MPZL1: variants seen among roughly 807,000 people sequenced by gnomAD.
The protein encoded by MPZL1 is myelin protein zero-like protein 1.
Under a neutral mutation model 29.3 loss-of-function variants are expected in MPZL1, and 16 were observed. That is an observed-to-expected ratio of 0.55 (90% CI 0.37 to 0.83). The LOEUF (loss-of-function observed/expected upper bound fraction) is 0.83. MPZL1 is among the 40% of genes least tolerant of loss of function. The probability of loss-of-function intolerance (pLI) is 0.00; values close to 1 mark genes in which losing one functional copy is unlikely to be tolerated. For missense variants in MPZL1, 279 were observed against 332.9 expected (o/e 0.84, Z 1.26); for synonymous variants, 143 against 132.0 (o/e 1.08, Z -0.57).
In MPZL1 at chr1:167,791,381, CAA is replaced by C. The variant is rs768585524; in HGVS notation, c.*3461_*3462del. On this transcript the variant is annotated 3_prime_UTR_variant, in exon 6 of 6. Transcript: ENST00000359523. ...CTGTGCTAAGCATAAGGAAACAAAA[CAA>C]GACAAAGCTCCTCAAGGAGCTTGCC... 4.6e-5 allele frequency: 7 copies of C among 152,272 alleles called. No individual in the cohort carries two copies. The highest frequency in any genetic ancestry group is 8.8e-5 in the Non-Finnish European group (6 of 68,076). The allele number at this position is 152,272 out of a possible 1,614,324, so 9.4% of individuals were successfully genotyped here.
chr1:167,761,735 A>T (rs113552078), intron 1 of MPZL1, among the ~76,000 whole-genome samples: 16 of 152,264 alleles, frequency 1.1e-4, no homozygotes, highest in African/African-American at 3.4e-4. Flanking sequence ...TTAAGGCGAA[A>T]ATAGTCAGTG....
chr1:167,773,324 G>C lies in MPZL1; in HGVS notation c.561G>C (p.Leu187=), dbSNP rs755186661. 46 of 1,613,994 alleles carry C rather than the reference G, an allele frequency of 2.9e-5. No homozygotes were observed. The highest frequency in any genetic ancestry group is 3.6e-5 in the Non-Finnish European group (43 of 1,179,908). ...TCACTCTGCTCATCAGCATGATTCT[G>C]GCTGTCCTCTATAGAAGGAAAAACT... is the stretch of plus-strand genomic sequence containing the variant. The part of the protein sequence containing the change: ...LGLTLLISMI[L]AVLYRRKNSK... Residue 187 remains leucine, a synonymous_variant, in exon 4 of 6, where the codon CTG becomes CTC. Coordinates refer to ENST00000359523, the MANE Select transcript of MPZL1 (RefSeq NM_003953.6).
At chr1:167,740,009 A>G (rs1660483301) in intron 1 of MPZL1, among the ~76,000 whole-genome samples, 1 of 152,078 alleles carries the variant, frequency 6.6e-6, no homozygotes, top group Admixed American at 6.6e-5. Flanking sequence ...TCCATAGTTC[A>G]TTGTTATAAT....
rs1661628767 is a variant in MPZL1 at position 167,788,177 on chromosome 1, G to A, written c.*256G>A. ...ATGTACCCATTGTCTTGCTGTTTTT[G>A]TACTTTCTTTTCAGGTCATTTACAA... On this transcript the variant is annotated 3_prime_UTR_variant, in exon 6 of 6. Coordinates refer to ENST00000359523, the MANE Select transcript of MPZL1 (RefSeq NM_003953.6). The A allele has an allele frequency of 5.4e-6, 2 of 369,734 alleles. No homozygotes were observed. Among genetic ancestry groups the A allele is most frequent in the Non-Finnish European group, 9.9e-6 (2 of 201,476 alleles). The allele number at this position is 369,734 out of a possible 1,614,324, so 22.9% of individuals were successfully genotyped here. A position where few individuals can be genotyped will look rare whatever the true frequency, so the allele number is the denominator to read the frequency against.
Position 167,728,034 on chromosome 1 carries a change from A to ATTT in MPZL1, c.91+5810_91+5812dup, listed in dbSNP as rs35770520. Among the ~76,000 whole-genome samples, 5 of 104,098 alleles carry ATTT rather than the reference A, an allele frequency of 4.8e-5. 1 individual carries two copies. The highest frequency in any genetic ancestry group is 8.2e-5 in the Non-Finnish European group (4 of 48,814). The allele number at this position is 104,098 out of a possible 152,430, so 68.3% of individuals were successfully genotyped here. On this transcript the variant is annotated intron_variant, in intron 1 of 5. Coordinates refer to ENST00000359523, the MANE Select transcript of MPZL1 (RefSeq NM_003953.6). The stretch of plus-strand genomic sequence containing the variant: ...AGGCATAAGCCACCACGCCCAACTA[A>ATTT]TTTTTTTTTTTTTTTTTTTTCTGAG...
intron 1 of MPZL1, among the ~76,000 whole-genome samples, chr1:167,764,861 A>G (rs1297390464): frequency 6.6e-6 from 1 of 152,218 alleles, no homozygotes; most frequent in African/African-American, 2.4e-5. Context: ...TTAAGTGCAT[A>G]TTACTAAGTG....
chr1:167,736,478 A>G (rs935155422), intron 1 of MPZL1, among the ~76,000 whole-genome samples: 11 of 152,086 alleles, frequency 7.2e-5, no homozygotes, highest in African/African-American at 2.4e-4. Flanking sequence ...ACTCAACTCT[A>G]TATATCTCTC....
intron 1 of MPZL1, among the ~76,000 whole-genome samples, chr1:167,741,045 C>A (rs535089179): frequency 1.8e-4 from 27 of 152,316 alleles, no homozygotes; most frequent in Non-Finnish European, 2.9e-4. Flanking sequence ...TTGAGACAGT[C>A]TTGCTCTGTC....
rs145518474 is a variant in MPZL1 at position 167,762,364 on chromosome 1, A to G, written c.92-3219A>G. On this transcript the variant is annotated intron_variant, in intron 1 of 5. Transcript: ENST00000359523. Reference sequence around the variant, plus strand: ...ATTAAATTTAAAGGAGTTTAACTGAACAAAGAATGAACTGCGAATTGGGCA... The same window carrying G: ...ATTAAATTTAAAGGAGTTTAACTGAGCAAAGAATGAACTGCGAATTGGGCA... Among the ~76,000 whole-genome samples the G allele has an allele frequency of 7.7e-3, 1,180 of 152,352 alleles. 7 individuals carry two copies. Among genetic ancestry groups the G allele is most frequent in the Non-Finnish European group, 0.012 (793 of 68,038 alleles).
At chr1:167,779,333 C>T (rs559580549) in intron 5 of MPZL1, among the ~76,000 whole-genome samples, 9 of 152,204 alleles carry the variant, frequency 5.9e-5, no homozygotes, top group African/African-American at 2.2e-4. Context: ...GCCTGTAATC[C>T]TAGCACTTTG....
intron 1 of MPZL1, among the ~76,000 whole-genome samples, chr1:167,741,572 G>A (rs973167444): frequency 2.6e-5 from 4 of 151,778 alleles, no homozygotes; most frequent in Non-Finnish European, 5.9e-5. Flanking sequence ...TGATCTGCTC[G>A]CCTCAGCCTC....
chr1:167,765,556 C>G (rs763283), intron 1 of MPZL1, 27 bp from the exon 2 acceptor site: 2,014 of 1,571,778 alleles, frequency 1.3e-3, no homozygotes, highest in Non-Finnish European at 1.7e-3. Context: ...GTCCTACTTT[C>G]AACTACCCTT....
Position 167,745,426 on chromosome 1 carries a change from T to C in MPZL1, c.92-20157T>C, listed in dbSNP as rs575525206. Among the ~76,000 whole-genome samples the C allele has an allele frequency of 4.6e-5, 7 of 152,258 alleles. No individual in the cohort carries two copies. The South Asian group carries it at 1.5e-3, about 32-fold the overall frequency. On this transcript the variant is annotated intron_variant, in intron 1 of 5. Coordinates refer to ENST00000359523, the MANE Select transcript of MPZL1 (RefSeq NM_003953.6). ...AATGTCAAGAATGTTTTTGGAACCT[T>C]GAACACAGGGAATATCCTGTGTGTC...
chr1:167,777,328 C>T (rs1661391138), intron 5 of MPZL1, among the ~76,000 whole-genome samples: 1 of 152,120 alleles, frequency 6.6e-6, no homozygotes, highest in Admixed American at 6.5e-5. Context: ...GAAAAAGAAA[C>T]TGTGGTTTTC....
In MPZL1 at chr1:167,735,369, A is replaced by G. The variant is rs116599707; in HGVS notation, c.91+13127A>G. Among the ~76,000 whole-genome samples the G allele has an allele frequency of 4.6e-3, 703 of 152,292 alleles. 3 individuals are homozygous for G. Among genetic ancestry groups the G allele is most frequent in the African/African-American group, 0.013 (531 of 41,542 alleles). ...GTCATTAGTGTCCTTTAATCCAGTTAGAGAGCCAAGTCCTGAAACCCTAGA... is the reference window on the plus strand; with the variant it reads ...GTCATTAGTGTCCTTTAATCCAGTTGGAGAGCCAAGTCCTGAAACCCTAGA... On this transcript the variant is annotated intron_variant, in intron 1 of 5. Transcript: ENST00000359523.
intron 1 of MPZL1, among the ~76,000 whole-genome samples, chr1:167,764,185 GT>G (rs950556314): frequency 2.7e-5 from 4 of 150,100 alleles, no homozygotes; most frequent in African/African-American, 9.8e-5. Context: ...GGCCAAATAA[GT>G]TTTTTTTTTC....
intron 1 of MPZL1, among the ~76,000 whole-genome samples, chr1:167,736,771 G>A (rs1056276237): frequency 6.6e-6 from 1 of 152,130 alleles, no homozygotes; most frequent in Non-Finnish European, 1.5e-5. Flanking sequence ...TCTCTCTAAT[G>A]GTAGTCATCT....
At chr1:167,766,783 C>A (rs1661123498) in intron 2 of MPZL1, among the ~76,000 whole-genome samples, 1 of 152,116 alleles carries the variant, frequency 6.6e-6, no homozygotes, top group African/African-American at 2.4e-5. Flanking sequence ...GAGTTATTCA[C>A]CTGTGGCCAT....
At chr1:167,748,135 G>T (rs1183923656) in intron 1 of MPZL1, among the ~76,000 whole-genome samples, 2 of 152,096 alleles carry the variant, frequency 1.3e-5, no homozygotes, top group Non-Finnish European at 1.5e-5. Flanking sequence ...TAAGATGAGG[G>T]ACATGTTTTT....
Sources: gnomAD v4.1 joint callset for allele counts (sites outside exome capture counted in the v4.1 genomes callset) on GRCh38, gnomAD v4.1.1 for gene constraint, MANE v1.5 for transcripts, NCBI Gene and HGNC (gene_info 2026-07-23, HGNC 2026-07-21) for gene names.